PARN: variants seen among roughly 807,000 people sequenced by gnomAD.
PARN encodes the protein poly(A)-specific ribonuclease PARN.
A neutral mutation model predicts 102.8 loss-of-function variants in PARN; 71 were observed. That is an observed-to-expected ratio of 0.69 (90% CI 0.57 to 0.84). The LOEUF is 0.84. Among genes scored for constraint, PARN ranks in the 40% least tolerant of loss-of-function variants. PARN has a pLI of 0.00. For synonymous variants in PARN, 261 were observed against 252.9 expected (o/e 1.03, Z -0.30); for missense variants, 782 against 760.9 (o/e 1.03, Z -0.33).
At chr16:14,467,766 A>C (rs959791995) in intron 22 of PARN, among the ~76,000 whole-genome samples, 1 of 152,242 alleles carries the variant, frequency 6.6e-6, no homozygotes, top group African/African-American at 2.4e-5. Context: ...AATTATCAAA[A>C]GAATGTCATT....
Position 14,604,246 on chromosome 16 carries a change from T to C in PARN, c.703-20A>G, listed in dbSNP as rs948002383. On this transcript the variant is annotated intron_variant, in intron 10 of 23. Transcript: ENST00000437198. Reference sequence around the variant, plus strand: ...CTCCTTCTAAAAGACATAAAGCAGATATACAATTTTCTTTTCTTTTTCTTT... The same window carrying C: ...CTCCTTCTAAAAGACATAAAGCAGACATACAATTTTCTTTTCTTTTTCTTT... The C allele has an allele frequency of 2.8e-6, 4 of 1,451,990 alleles. No individual in the cohort carries two copies. The African/African-American group carries it at 5.7e-5, about 21-fold the overall frequency. 89.9% of individuals were successfully genotyped at this position (1,451,990 alleles called of 1,614,324 possible).
At chr16:14,603,395 C>T (rs1426179137) in intron 11 of PARN, among the ~76,000 whole-genome samples, 1 of 152,164 alleles carries the variant, frequency 6.6e-6, no homozygotes, top group African/African-American at 2.4e-5. Context: ...TACATATGAG[C>T]ATGACATTCA....
intron 21 of PARN, among the ~76,000 whole-genome samples, chr16:14,514,973 A>C (rs911510987): frequency 6.6e-6 from 1 of 152,182 alleles, no homozygotes; most frequent in Admixed American, 6.5e-5. Context: ...CCATCATGTA[A>C]CTTCTCTGTG....
At chr16:14,468,269 GAAACA>G (rs1310797636) in intron 22 of PARN, among the ~76,000 whole-genome samples, 1 of 152,194 alleles carries the variant, frequency 6.6e-6, no homozygotes, top group Non-Finnish European at 1.5e-5. Flanking sequence ...TGAAGATTAA[GAAACA>G]AAACAAAATA....
chr16:14,611,670 A>G (rs1395739929), intron 6 of PARN, among the ~76,000 whole-genome samples: 1 of 152,156 alleles, frequency 6.6e-6, no homozygotes, highest in Non-Finnish European at 1.5e-5. Context: ...CCTCCCGAGT[A>G]GCTGGAATTA....
chr16:14,622,422 A>G (rs1972367435), intron 5 of PARN, among the ~76,000 whole-genome samples: 2 of 152,266 alleles, frequency 1.3e-5, no homozygotes, highest in Non-Finnish European at 2.9e-5. Context: ...AACTGATCAA[A>G]CAAATTATAC....
intron 22 of PARN, among the ~76,000 whole-genome samples, chr16:14,452,716 T>C (rs1961518399): frequency 6.6e-6 from 1 of 152,256 alleles, no homozygotes; most frequent in South Asian, 2.1e-4. Context: ...CTAATGGTTA[T>C]TGGGCATCCT....
intron 22 of PARN, among the ~76,000 whole-genome samples, chr16:14,452,962 A>C (rs1029910504): frequency 6.6e-6 from 1 of 152,164 alleles, no homozygotes; most frequent in African/African-American, 2.4e-5. Flanking sequence ...ACTGCTGTGC[A>C]TGTGTGTGTA....
At chr16:14,556,510 G>A (rs1444143669) in intron 18 of PARN, among the ~76,000 whole-genome samples, 1 of 151,982 alleles carries the variant, frequency 6.6e-6, no homozygotes, top group Non-Finnish European at 1.5e-5. Context: ...TTTTTCTCCT[G>A]GGCCAAATAT....
Position 14,580,986 on chromosome 16 carries a change from T to A in PARN, c.1193-43A>T, listed in dbSNP as rs368428151. ...AGAGGTATTATTATTCATAGTCACATAGACCAAGCCTGAAAGTTCAGACCA... is the reference window on the plus strand; with the variant it reads ...AGAGGTATTATTATTCATAGTCACAAAGACCAAGCCTGAAAGTTCAGACCA... On this transcript the variant is annotated intron_variant, in intron 17 of 23. Transcript: ENST00000437198. 4 of 1,234,548 alleles carry A rather than the reference T, an allele frequency of 3.2e-6. No individual in the cohort carries two copies. The African/African-American group carries it at 4.4e-5, about 14-fold the overall frequency. 76.5% of individuals were successfully genotyped at this position (1,234,548 alleles called of 1,614,324 possible).
chr16:14,603,384 G>C (rs1461362674), intron 11 of PARN, among the ~76,000 whole-genome samples: 1 of 152,126 alleles, frequency 6.6e-6, no homozygotes, highest in African/African-American at 2.4e-5. Context: ...CCTGCCTAAT[G>C]TACATATGAG....
At chr16:14,607,016 C>T (rs1317515493) in intron 9 of PARN, among the ~76,000 whole-genome samples, 1 of 151,978 alleles carries the variant, frequency 6.6e-6, no homozygotes. Flanking sequence ...GTCCTGACCT[C>T]GTGATCCTCC....
In PARN at chr16:14,586,295, A is replaced by G. The variant is rs1384249746; in HGVS notation, c.962+23T>C. ...CCCAGCCAACTTTTTTAAAAGAAAGACAAATCCTCAAAGAAAGCTTACCTG... is the reference window on the plus strand; with the variant it reads ...CCCAGCCAACTTTTTTAAAAGAAAGGCAAATCCTCAAAGAAAGCTTACCTG... On this transcript the variant is annotated intron_variant, in intron 14 of 23. Coordinates refer to ENST00000437198, the MANE Select transcript of PARN (RefSeq NM_002582.4). 3 of 1,496,024 alleles carry G rather than the reference A, an allele frequency of 2.0e-6. No individual in the cohort carries two copies. In the Admixed American group the frequency reaches 5.8e-5, roughly 29 times the overall value. The allele number at this position is 1,496,024 out of a possible 1,614,324, so 92.7% of individuals were successfully genotyped here.
intron 6 of PARN, among the ~76,000 whole-genome samples, chr16:14,614,069 C>T (rs1224901442): frequency 6.6e-6 from 1 of 152,064 alleles, no homozygotes; most frequent in African/African-American, 2.4e-5. Context: ...CCAGCCTGGA[C>T]AATATAGTGA....
chr16:14,547,184 C>T (rs2151698112), intron 21 of PARN, among the ~76,000 whole-genome samples: 1 of 151,880 alleles, frequency 6.6e-6, no homozygotes, highest in South Asian at 2.1e-4. Flanking sequence ...TCCATGGCAC[C>T]AAGTCCCACA....
At chr16:14,480,015 T>C (rs1963292615) in intron 22 of PARN, among the ~76,000 whole-genome samples, 1 of 151,548 alleles carries the variant, frequency 6.6e-6, no homozygotes, top group Admixed American at 6.6e-5. Flanking sequence ...GGGAAAAAAC[T>C]TAATAAACAA....
intron 11 of PARN, among the ~76,000 whole-genome samples, chr16:14,601,242 G>A (rs913033108): frequency 2.6e-5 from 4 of 152,002 alleles, no homozygotes; most frequent in Non-Finnish European, 5.9e-5. Context: ...AACAAAATGT[G>A]GTCTAGCCAC....
At chr16:14,511,129 C>T (rs1046247305) in intron 21 of PARN, among the ~76,000 whole-genome samples, 4 of 152,204 alleles carry the variant, frequency 2.6e-5, no homozygotes, top group Non-Finnish European at 5.9e-5. Context: ...TTAAATTATA[C>T]ATTAGTCTTC....
At chr16:14,447,483 C>T (rs1349166622) in intron 22 of PARN, among the ~76,000 whole-genome samples, 6 of 152,186 alleles carry the variant, frequency 3.9e-5, no homozygotes, top group Non-Finnish European at 5.9e-5. Flanking sequence ...TTCATGACTG[C>T]CTAATGCATA....
Sources: allele counts gnomAD v4.1 joint callset (sites outside exome capture counted in the v4.1 genomes callset), GRCh38; gene constraint gnomAD v4.1.1; transcripts MANE v1.5; gene names NCBI Gene and HGNC (gene_info 2026-07-23, HGNC 2026-07-21).